The following BBS5 variants were observed in gnomAD, a reference collection of about 807,000 sequenced individuals.
BBS5 encodes Bardet-Biedl syndrome 5, also known as BBSome complex member BBS5.
In BBS5, 39 loss-of-function variants were observed where a neutral mutation model predicts 50.2. The observed-to-expected ratio is 0.78, with a 90% confidence interval of 0.60 to 1.01. BBS5 has a LOEUF of 1.01. Ranked by LOEUF, BBS5 falls within the 50% of genes least tolerant of loss-of-function variation. The pLI is 0.00. For synonymous variants in BBS5, 134 were observed against 133.1 expected (o/e 1.01, Z -0.05); for missense variants, 356 against 401.5 (o/e 0.89, Z 0.97).
chr2:169,504,570 A>C lies in BBS5; in HGVS notation c.1014A>C (p.Glu338Asp). The C allele has an allele frequency of 1.9e-6, 3 of 1,610,972 alleles. No homozygotes were observed. Among genetic ancestry groups the C allele is most frequent in the Non-Finnish European group, 2.5e-6 (3 of 1,177,100 alleles). ...GATTCACCCTACAGGGACTTTGGGA[A>C]GTAATGAGTTGATTGACCTTGAGTT... is the stretch of plus-strand genomic sequence containing the variant. ...KDGFTLQGLW[E>D]VMS The change falls in exon 12 of 12, where the codon GAA (glutamate) becomes GAC (aspartate). Residue 338 changes from glutamate to aspartate, a missense_variant. Physicochemically the swap from Glu to Asp is conservative, Grantham distance 45 (BLOSUM62 2). Transcript: ENST00000295240.
At position 169,504,307 on chromosome 2, in the gene BBS5, ATTTTG is replaced by A; in HGVS notation, c.906_910del (p.Phe303Ter). 6.2e-7 allele frequency: 1 copy of A among 1,613,066 alleles called. No homozygotes were observed. The highest frequency in any genetic ancestry group is 8.5e-7 in the Non-Finnish European group (1 of 1,179,084). The stretch of plus-strand genomic sequence containing the variant: ...AGAATTTTCTTTGTCTTACAGGCTT[ATTTTG>A]CTGATGGCAATAAGGTAAGGACATT... On this transcript the variant is annotated frameshift_variant, in exon 11 of 12. Transcript: ENST00000295240. LOFTEE classifies it high-confidence loss of function.
At chr2:169,499,665 A>C (rs766071096) in intron 9 of BBS5, 45 bp downstream of exon 9, 2 of 1,589,764 alleles carry the variant, frequency 1.3e-6, no homozygotes, top group Non-Finnish European at 1.7e-6. Context: ...TGCTTTATGC[A>C]GTCTATAAAA....
chr2:169,479,629 C>T lies in BBS5; in HGVS notation c.59+17C>T. 2 of 1,614,046 alleles carry T rather than the reference C, an allele frequency of 1.2e-6. No individual in the cohort carries two copies. The highest frequency in any genetic ancestry group is 1.7e-6 in the Non-Finnish European group (2 of 1,179,914). On this transcript the variant is annotated intron_variant, in intron 1 of 11. Transcript: ENST00000295240. ...GTCCGCGCAGTGAGTTTCCAAGATT[C>T]CCGAGGGATCTTCAACCCTGTAGAG... is the stretch of plus-strand genomic sequence containing the variant.
chr2:169,504,956 T>C lies in BBS5; in HGVS notation c.*374T>C. ...GGAGGTCCAAAGAGGACTGGTGATC[T>C]ACGTGTGCTTTTTCAAGGGAGCTGA... On this transcript the variant is annotated 3_prime_UTR_variant, in exon 12 of 12. Coordinates refer to ENST00000295240, the MANE Select transcript of BBS5 (RefSeq NM_152384.3). 6.2e-7 allele frequency: 1 copy of C among 1,613,674 alleles called. No homozygotes were observed. The highest frequency in any genetic ancestry group is 8.5e-7 in the Non-Finnish European group (1 of 1,179,932).
Position 169,506,289 on chromosome 2 carries a change from G to C in BBS5, c.*1707G>C, listed in dbSNP as rs1013605393. On this transcript the variant is annotated 3_prime_UTR_variant, in exon 12 of 12. Transcript: ENST00000295240. ...AGCCCCTCTGCCCGGCCACCACCCC[G>C]TCTGGGAGGTGTACCCAACAGCTCA... 17 of 170,308 alleles carry C rather than the reference G, an allele frequency of 1.0e-4. No homozygotes were observed. The highest frequency in any genetic ancestry group is 3.8e-4 in the African/African-American group (16 of 41,772). The allele number at this position is 170,308 out of a possible 1,614,324, so 10.5% of individuals were successfully genotyped here.
intron 6 of BBS5, 80 bp downstream of exon 6, chr2:169,493,089 T>C: frequency 6.7e-7 from 1 of 1,490,598 alleles, no homozygotes; most frequent in South Asian, 1.1e-5. Context: ...ATTTATATAG[T>C]CAATTCTAAT....
At chr2:169,479,640 T>G (rs1397387007) in intron 1 of BBS5, 28 bp downstream of exon 1, 1 of 1,613,624 alleles carries the variant, frequency 6.2e-7, no homozygotes, top group African/African-American at 1.3e-5. Context: ...CCGAGGGATC[T>G]TCAACCCTGT....
intron 3 of BBS5, 58 bp from the exon 4 acceptor site, chr2:169,487,748 G>A: frequency 1.6e-6 from 2 of 1,271,188 alleles, no homozygotes; most frequent in Admixed American, 1.8e-5. Context: ...TTTTAGAAAA[G>A]TATTTTTTCT....
chr2:169,482,918 A>AT, intron 2 of BBS5, among the ~76,000 whole-genome samples: 1 of 152,250 alleles, frequency 6.6e-6, no homozygotes. Context: ...TTAAAAGTCC[A>AT]GGCTGCCCAT....
At chr2:169,488,245 G>A in intron 5 of BBS5, 131 bp downstream of exon 5, 1 of 849,142 alleles carries the variant, frequency 1.2e-6, no homozygotes, top group African/African-American at 1.7e-5. Flanking sequence ...ATTGGGTGAG[G>A]GTATGGTTTC....
intron 9 of BBS5, among the ~76,000 whole-genome samples, chr2:169,501,953 G>C (rs981551811): frequency 1.3e-5 from 2 of 152,102 alleles, no homozygotes; most frequent in African/African-American, 4.8e-5. Flanking sequence ...CCTCATGTGA[G>C]TCCCTACTCA....
rs114369444 is a variant in BBS5 at position 169,494,794 on chromosome 2, A to G, written c.618+958A>G. ...AAATAGTTAATGAAAATCCCATGAG[A>G]TTATCCTATGATAATTGCCCTTATT... On this transcript the variant is annotated intron_variant, in intron 7 of 11. Coordinates refer to ENST00000295240, the MANE Select transcript of BBS5 (RefSeq NM_152384.3). 9.1e-3 allele frequency among the ~76,000 whole-genome samples: 1,387 copies of G among 152,296 alleles called. 29 individuals carry two copies. Among genetic ancestry groups the G allele is most frequent in the African/African-American group, 0.032 (1,311 of 41,562 alleles).
intron 5 of BBS5, 88 bp downstream of exon 5, chr2:169,488,202 G>A: frequency 7.4e-7 from 1 of 1,342,638 alleles, no homozygotes; most frequent in Non-Finnish European, 1.1e-6. Context: ...TTGGCACCAG[G>A]GACCAGTTTC....
Position 169,506,029 on chromosome 2 carries a change from C to A in BBS5, c.*1447C>A, listed in dbSNP as rs1248286526. 6 of 130,174 alleles carry A rather than the reference C, an allele frequency of 4.6e-5. No individual in the cohort carries two copies. The highest frequency in any genetic ancestry group is 9.9e-5 in the Non-Finnish European group (6 of 60,616). The allele number at this position is 130,174 out of a possible 1,614,324, so 8.1% of individuals were successfully genotyped here. A position where few individuals can be genotyped will look rare whatever the true frequency, so the allele number is the denominator to read the frequency against. On this transcript the variant is annotated 3_prime_UTR_variant, in exon 12 of 12. Coordinates refer to ENST00000295240, the MANE Select transcript of BBS5 (RefSeq NM_152384.3). Reference sequence around the variant, plus strand: ...GGGGATCAGCCCCCCGCCCGGCTAGCCGCCCCGTCCGGGAGGCGAGGGGCG... The same window carrying A: ...GGGGATCAGCCCCCCGCCCGGCTAGACGCCCCGTCCGGGAGGCGAGGGGCG...
At chr2:169,494,314 T>C (rs995002239) in intron 7 of BBS5, among the ~76,000 whole-genome samples, 1 of 152,218 alleles carries the variant, frequency 6.6e-6, no homozygotes, top group Non-Finnish European at 1.5e-5. Flanking sequence ...ACTGCTTTCA[T>C]TGTATTTAGA....
At position 169,504,942 on chromosome 2, in the gene BBS5, G is replaced by C; in HGVS notation, c.*360G>C. The C allele has an allele frequency of 6.2e-7, 1 of 1,613,794 alleles. No individual in the cohort carries two copies. The highest frequency in any genetic ancestry group is 2.2e-5 in the East Asian group (1 of 44,854). ...GCGGCCCAGTGGGTGGAGGTCCAAA[G>C]AGGACTGGTGATCTACGTGTGCTTT... On this transcript the variant is annotated 3_prime_UTR_variant, in exon 12 of 12. Transcript: ENST00000295240.
chr2:169,501,568 C>A (rs868501645), intron 9 of BBS5, among the ~76,000 whole-genome samples: 3 of 152,202 alleles, frequency 2.0e-5, no homozygotes, highest in Middle Eastern at 3.4e-3. Context: ...GACACCCTGT[C>A]TCTACTAAAT....
At chr2:169,480,670 CTTTTTTTTTTTTTTTTT>C (rs577688589) in intron 1 of BBS5, among the ~76,000 whole-genome samples, 1 of 73,168 alleles carries the variant, frequency 1.4e-5, no homozygotes, top group Non-Finnish European at 2.4e-5. Context: ...TTCTGTCATT[CTTTTTTTTTTTTTTTTT>C]TTTTTTTTTT....
chr2:169,486,262 T>G (rs528978470), intron 2 of BBS5, among the ~76,000 whole-genome samples: 1 of 152,344 alleles, frequency 6.6e-6, no homozygotes, highest in South Asian at 2.1e-4. Flanking sequence ...AAAAATAATT[T>G]TATGATTGTA....
Sources: gnomAD v4.1 joint callset for allele counts (sites outside exome capture counted in the v4.1 genomes callset) on GRCh38, gnomAD v4.1.1 for gene constraint, MANE v1.5 for transcripts, NCBI Gene and HGNC (gene_info 2026-07-23, HGNC 2026-07-21) for gene names.